The following NELL1 variants were observed in gnomAD, a reference collection of about 807,000 sequenced individuals.
NELL1 encodes the protein protein kinase C-binding protein NELL1.
NELL1 carries 76 observed loss-of-function variants against 107.4 expected under a neutral mutation model. The observed-to-expected ratio is 0.71, with a 90% CI of 0.59 to 0.86. The LOEUF (loss-of-function observed/expected upper bound fraction) is 0.86. NELL1 is among the 40% of genes least tolerant of loss of function. The pLI is 0.00. For synonymous variants in NELL1, 353 were observed against 341.2 expected, an observed-to-expected ratio of 1.03 and a Z score of -0.38; for missense variants, 1,024 against 1,005.5, an observed-to-expected ratio of 1.02 and a Z score of -0.25.
chr11:20,881,225 C>G (rs1199412725), intron 4 of NELL1, among the ~76,000 whole-genome samples: 1 of 152,212 alleles, frequency 6.6e-6, no homozygotes, highest in Non-Finnish European at 1.5e-5. Flanking sequence ...TCTGTGACAG[C>G]AGGACATCCC....
intron 13 of NELL1, among the ~76,000 whole-genome samples, chr11:21,183,491 A>G (rs1856870384): frequency 6.6e-6 from 1 of 151,938 alleles, no homozygotes; most frequent in Non-Finnish European, 1.5e-5. Flanking sequence ...TGCTCAAGAG[A>G]GCTCCAGTGT....
At chr11:20,872,084 A>G (rs1217779877) in intron 4 of NELL1, among the ~76,000 whole-genome samples, 3 of 149,660 alleles carry the variant, frequency 2.0e-5, no homozygotes, top group Non-Finnish European at 4.4e-5. Context: ...GCTTGGAGCT[A>G]TATCCTGTGG....
intron 13 of NELL1, among the ~76,000 whole-genome samples, chr11:21,181,489 A>G (rs527502184): frequency 1.3e-5 from 2 of 152,002 alleles, no homozygotes; most frequent in South Asian, 4.1e-4. Flanking sequence ...GAGGTGGGGC[A>G]TGGCAGAAAT....
chr11:21,208,319 C>T (rs1187114695), intron 13 of NELL1, among the ~76,000 whole-genome samples: 1 of 151,676 alleles, frequency 6.6e-6, no homozygotes, highest in African/African-American at 2.4e-5. Context: ...ATGCATAACT[C>T]CCGTTTATCT....
At chr11:21,180,108 C>T (rs533535702) in intron 13 of NELL1, among the ~76,000 whole-genome samples, 28 of 151,518 alleles carry the variant, frequency 1.8e-4, no homozygotes, top group African/African-American at 6.8e-4. Context: ...CCCCCCATGC[C>T]ATAGTTTGCA....
At chr11:20,752,957 C>A (rs1045627930) in intron 2 of NELL1, among the ~76,000 whole-genome samples, 4 of 152,114 alleles carry the variant, frequency 2.6e-5, no homozygotes, top group Admixed American at 1.3e-4. Flanking sequence ...GAAGCTATAA[C>A]ATTAACAGAT....
At chr11:20,778,838 C>T (rs402754) in intron 2 of NELL1, among the ~76,000 whole-genome samples, 1 of 152,084 alleles carries the variant, frequency 6.6e-6, no homozygotes, top group African/African-American at 2.4e-5. Flanking sequence ...TTTAAAATAT[C>T]TAGGAGGAAA....
chr11:20,697,008 T>TTAC (rs2133874669), intron 2 of NELL1, among the ~76,000 whole-genome samples: 1 of 152,290 alleles, frequency 6.6e-6, no homozygotes, highest in African/African-American at 2.4e-5. Flanking sequence ...TAAGAGTATG[T>TTAC]TACAGTCTGT....
chr11:21,339,156 A>G (rs1292589768), intron 14 of NELL1, among the ~76,000 whole-genome samples: 1 of 152,230 alleles, frequency 6.6e-6, no homozygotes, highest in Admixed American at 6.5e-5. Context: ...TATGTGGAAT[A>G]GGGATGTAAC....
At chr11:21,572,526 A>T (rs7342244) in intron 18 of NELL1, among the ~76,000 whole-genome samples, 6,372 of 140,620 alleles carry the variant, frequency 0.045, 433 homozygotes, top group African/African-American at 0.19. Flanking sequence ...ATGATAGCAG[A>T]GGAAGAGGAT....
chr11:21,172,870 A>G (rs1856635423), intron 13 of NELL1, among the ~76,000 whole-genome samples: 1 of 151,592 alleles, frequency 6.6e-6, no homozygotes, highest in Non-Finnish European at 1.5e-5. Context: ...TTTTAAATGT[A>G]GGCCTTTCAT....
chr11:20,862,229 A>T (rs927955362), intron 4 of NELL1, among the ~76,000 whole-genome samples: 1 of 152,248 alleles, frequency 6.6e-6, no homozygotes, highest in Admixed American at 6.5e-5. Context: ...TGAGAAAAGC[A>T]GAAGTGAACT....
chr11:21,502,081 T>C (rs1230368258), intron 15 of NELL1, among the ~76,000 whole-genome samples: 1 of 152,178 alleles, frequency 6.6e-6, no homozygotes, highest in African/African-American at 2.4e-5. Flanking sequence ...CCTCTGAAGA[T>C]TTATGGTTGA....
chr11:21,310,546 A>G (rs1202248575), intron 14 of NELL1, among the ~76,000 whole-genome samples: 1 of 152,032 alleles, frequency 6.6e-6, no homozygotes, highest in Non-Finnish European at 1.5e-5. Context: ...TGAGTGTATG[A>G]TTATAAACTT....
At chr11:21,424,873 A>G (rs1284802289) in intron 15 of NELL1, among the ~76,000 whole-genome samples, 1 of 152,170 alleles carries the variant, frequency 6.6e-6, no homozygotes, top group Non-Finnish European at 1.5e-5. Flanking sequence ...TTACAGAAAT[A>G]ACATGACAAA....
chr11:21,219,203 C>T (rs1857691609), intron 13 of NELL1, among the ~76,000 whole-genome samples: 1 of 152,002 alleles, frequency 6.6e-6, no homozygotes, highest in African/African-American at 2.4e-5. Context: ...TCTCACTGTA[C>T]TTTTGATTTT....
intron 2 of NELL1, among the ~76,000 whole-genome samples, chr11:20,705,859 A>G (rs1854936607): frequency 6.6e-6 from 1 of 152,094 alleles, no homozygotes; most frequent in African/African-American, 2.4e-5. Context: ...GGCAAAGTAT[A>G]TGAACAGACA....
chr11:20,753,239 C>T (rs1314308848), intron 2 of NELL1, among the ~76,000 whole-genome samples: 1 of 152,196 alleles, frequency 6.6e-6, no homozygotes, highest in East Asian at 1.9e-4. Flanking sequence ...GTGCTAATGG[C>T]TTCTATGCTA....
intron 3 of NELL1, among the ~76,000 whole-genome samples, chr11:20,810,540 G>A (rs1857478442): frequency 6.6e-6 from 1 of 152,198 alleles, no homozygotes; most frequent in Non-Finnish European, 1.5e-5. Context: ...CACTGCAAAT[G>A]CTGTTAATTC....
Sources: allele counts gnomAD v4.1 joint callset (sites outside exome capture counted in the v4.1 genomes callset), GRCh38; gene constraint gnomAD v4.1.1; transcripts MANE v1.5; gene names NCBI Gene and HGNC (gene_info 2026-07-23, HGNC 2026-07-21).